Variants in AADAT observed in about 807,000 individuals in gnomAD.
AADAT encodes the protein kynurenine/alpha-aminoadipate aminotransferase, mitochondrial.
A neutral mutation model predicts 56.2 loss-of-function variants in AADAT; 25 were observed. That is an observed-to-expected ratio of 0.44 (90% CI 0.32 to 0.62). AADAT has a LOEUF of 0.62. Among genes scored for constraint, AADAT ranks in the 20% least tolerant of loss-of-function variants. AADAT has a pLI of 0.04. For synonymous variants in AADAT, 173 were observed against 164.7 expected (o/e 1.05, Z -0.39); for missense variants, 387 against 510.5 (o/e 0.76, Z 2.33).
chr4:170,062,086 T>C (rs1731220566), intron 11 of AADAT, 93 bp from the exon 12 acceptor site: 3 of 761,008 alleles, frequency 3.9e-6, no homozygotes, highest in Non-Finnish European at 6.1e-6. Context: ...GGAAGGATGT[T>C]TTAAGTTTAA....
At chr4:170,093,433 C>T (rs1324941293), upstream of AADAT, among the ~76,000 whole-genome samples, 2 of 151,932 alleles carry the variant, frequency 1.3e-5, no homozygotes, top group East Asian at 3.9e-4. Flanking sequence ...GGGGATAGAG[C>T]GAGACTCTGT....
At chr4:170,063,722 G>A (rs1731308295) in intron 11 of AADAT, among the ~76,000 whole-genome samples, 1 of 152,144 alleles carries the variant, frequency 6.6e-6, no homozygotes, top group Middle Eastern at 3.2e-3. Context: ...ATGGCACTTT[G>A]CCATCATCAA....
intron 4 of AADAT, among the ~76,000 whole-genome samples, chr4:170,077,691 T>C (rs1163650533): frequency 6.6e-6 from 1 of 152,186 alleles, no homozygotes; most frequent in East Asian, 1.9e-4. Flanking sequence ...TGAAGTCCGG[T>C]AAGGCCAATG....
upstream of AADAT, among the ~76,000 whole-genome samples, chr4:170,094,189 TG>T: frequency 6.6e-6 from 1 of 152,256 alleles, no homozygotes; most frequent in East Asian, 1.9e-4. Flanking sequence ...GCAGGGGCAC[TG>T]GGGGGTCATG....
intron 1 of AADAT, 108 bp downstream of exon 1, chr4:170,089,515 CA>C: frequency 8.3e-7 from 1 of 1,210,290 alleles, no homozygotes; most frequent in Non-Finnish European, 1.2e-6. Context: ...CGAGCGTGCA[CA>C]GGGGTACGCA....
chr4:170,082,632 T>C (rs940719758), intron 3 of AADAT, among the ~76,000 whole-genome samples: 2 of 152,046 alleles, frequency 1.3e-5, no homozygotes, highest in South Asian at 2.1e-4. Flanking sequence ...TTAAAAGGCA[T>C]GGAGTGGCTG....
chr4:170,061,623 A>G (rs2111130988), intron 12 of AADAT, among the ~76,000 whole-genome samples: 1 of 152,366 alleles, frequency 6.6e-6, no homozygotes. Context: ...AGTTTTCCTC[A>G]TAACATGACA....
chr4:170,080,958 C>A (rs1732270267), intron 3 of AADAT, among the ~76,000 whole-genome samples: 2 of 152,146 alleles, frequency 1.3e-5, no homozygotes, highest in African/African-American at 4.8e-5. Flanking sequence ...AAGCAAAAAT[C>A]CAGTGACTGA....
rs563681346 is a variant in AADAT at position 170,089,517 on chromosome 4, G to A, written c.67+107C>T. 1.5e-5 allele frequency: 18 copies of A among 1,222,800 alleles called. No homozygotes were observed. In the South Asian group the frequency reaches 1.9e-4, roughly 13 times the overall value. 75.7% of individuals were successfully genotyped at this position (1,222,800 alleles called of 1,614,324 possible). ...GCCTGGCTCACCGCGAGCGTGCACA[G>A]GGGTACGCATGGATGCAACCAAGCG... On this transcript the variant is annotated intron_variant, in intron 1 of 12. Transcript: ENST00000337664.
intron 3 of AADAT, among the ~76,000 whole-genome samples, chr4:170,085,338 C>T (rs1001430034): frequency 4.6e-5 from 7 of 152,068 alleles, no homozygotes; most frequent in African/African-American, 1.7e-4. Flanking sequence ...AGTTAGGGGA[C>T]ATACAAATTT....
At chr4:170,070,764 T>C in intron 5 of AADAT, 112 bp from the exon 6 acceptor site, 1 of 708,172 alleles carries the variant, frequency 1.4e-6, no homozygotes, top group Non-Finnish European at 2.3e-6. Flanking sequence ...AAGGAACTAC[T>C]GTGTGTCTAT....
rs549871623 is a variant in AADAT, at chr4:170,073,541, G to A, written c.445-196C>T. Among the ~76,000 whole-genome samples, 125 of 149,460 alleles carry A rather than the reference G, an allele frequency of 8.4e-4. 1 individual carries two copies. Among genetic ancestry groups the A allele is most frequent in the Admixed American group, 1.7e-3 (26 of 14,922 alleles). ...TTTTTTTGAGATGGAGTCTCGCTCT[G>A]TCACCCAGGCTGGAGTGCAATGGCG... On this transcript the variant is annotated intron_variant, in intron 4 of 12. Transcript: ENST00000337664.
At chr4:170,073,041 A>C in intron 5 of AADAT, 95 bp downstream of exon 5, 3 of 1,189,076 alleles carry the variant, frequency 2.5e-6, no homozygotes, top group Non-Finnish European at 3.6e-6. Flanking sequence ...CCTTGAAAGC[A>C]AAAGGCTAAG....
chr4:170,082,507 AG>A (rs1732367201), intron 3 of AADAT, among the ~76,000 whole-genome samples: 1 of 152,222 alleles, frequency 6.6e-6, no homozygotes, highest in African/African-American at 2.4e-5. Context: ...ACAGTAAGAA[AG>A]GAAGAAAAGA....
rs957911946 is a variant in AADAT at position 170,089,846 on chromosome 4, C to G, written c.-156G>C. The G allele has an allele frequency of 7.5e-5, 53 of 702,604 alleles. No individual in the cohort carries two copies. The highest frequency in any genetic ancestry group is 6.9e-4 in the African/African-American group (39 of 56,432). 43.5% of individuals were successfully genotyped at this position (702,604 alleles called of 1,614,324 possible). A position where few individuals can be genotyped will look rare whatever the true frequency, so the allele number is the denominator to read the frequency against. On this transcript the variant is annotated 5_prime_UTR_variant, in exon 1 of 13. Transcript: ENST00000337664. ...CGTCTGGCTTCCCGCGCGCGGTGCC[C>G]GGAGAACGCCGCCGAAACTCCCCGG... is the stretch of plus-strand genomic sequence containing the variant.
intron 11 of AADAT, among the ~76,000 whole-genome samples, chr4:170,064,399 T>C (rs1038929502): frequency 2.6e-5 from 4 of 152,180 alleles, no homozygotes; most frequent in African/African-American, 9.6e-5. Flanking sequence ...GGGTAACCTA[T>C]TCAAGGCCAC....
At position 170,064,721 on chromosome 4, in the gene AADAT, C is replaced by G; in HGVS notation, c.1132G>C (p.Gly378Arg). 1.2e-6 allele frequency: 2 copies of G among 1,602,106 alleles called. No homozygotes were observed. The highest frequency in any genetic ancestry group is 1.7e-6 in the Non-Finnish European group (2 of 1,176,812). The change falls in exon 11 of 13, where the codon GGG (glycine) becomes CGG (arginine). Residue 378 changes from glycine (G) to arginine (R), a missense_variant and splice_region_variant. Gly to Arg is a moderately radical substitution (Grantham distance 125). Transcript: ENST00000337664. The stretch of plus-strand genomic sequence containing the variant: ...AGCCCTTCACCTCCCAGTTTTACCC[C>G]CATCTTAACGGCCTTTTCTTCAATC... ...ELIEEKAVKMGVLMLPGNAFY... is the reference protein window; with the variant it reads ...ELIEEKAVKMRVLMLPGNAFY...
At position 170,087,117 on chromosome 4, in the gene AADAT, T is replaced by C. The variant is rs1389603283; in HGVS notation, c.368A>G (p.Lys123Arg). Residue 123 changes from lysine (K) to arginine (R), a missense_variant and splice_region_variant, in exon 3 of 13, where the codon AAG becomes AGG. Physicochemically the swap from Lys to Arg is conservative, Grantham distance 26 (BLOSUM62 2). Coordinates refer to ENST00000337664, the MANE Select transcript of AADAT (RefSeq NM_016228.4). ...VTSGSQQGLC[K>R]VFEMIINPGD... ...GCTGAGTTTTCCTTTCAGTCTTACC[T>C]TACAAAGACCTTGTTGGCTGCCAGA... 1 of 1,613,840 alleles carries C rather than the reference T, an allele frequency of 6.2e-7. No individual in the cohort carries two copies. Among genetic ancestry groups the C allele is most frequent in the Non-Finnish European group, 8.5e-7 (1 of 1,179,954 alleles).
chr4:170,061,821 C>T, intron 12 of AADAT, 71 bp downstream of exon 12: 2 of 1,076,410 alleles, frequency 1.9e-6, no homozygotes, highest in East Asian at 2.5e-5. Flanking sequence ...TTCTAATTCA[C>T]AAAGTATACA....
Sources: gnomAD v4.1 joint callset for allele counts (sites outside exome capture counted in the v4.1 genomes callset) on GRCh38, gnomAD v4.1.1 for gene constraint, MANE v1.5 for transcripts, NCBI Gene and HGNC (gene_info 2026-07-23, HGNC 2026-07-21) for gene names.